The following FSTL4 variants were observed in gnomAD, a reference collection of about 807,000 sequenced individuals.
FSTL4 encodes the protein follistatin like 4.
In FSTL4, 28 loss-of-function variants were observed where a neutral mutation model predicts 78.2. That is an observed-to-expected ratio of 0.36 (90% CI 0.27 to 0.49). The LOEUF (loss-of-function observed/expected upper bound fraction) is 0.49. Ranked by LOEUF, FSTL4 falls within the 20% of genes least tolerant of loss-of-function variation. FSTL4 has a pLI of 0.98. For synonymous variants in FSTL4, 422 were observed against 440.5 expected, an observed-to-expected ratio of 0.96 and a Z score of 0.53; for missense variants, 922 against 1,084.9, an observed-to-expected ratio of 0.85 and a Z score of 2.11.
At chr5:133,435,644 A>G (rs565250933) in intron 3 of FSTL4, among the ~76,000 whole-genome samples, 1 of 152,294 alleles carries the variant, frequency 6.6e-6, no homozygotes, top group South Asian at 2.1e-4. Flanking sequence ...GGTTAGCACT[A>G]TGTTCTAAGG....
chr5:133,491,081 G>A (rs1421141408), intron 3 of FSTL4, among the ~76,000 whole-genome samples: 2 of 151,854 alleles, frequency 1.3e-5, no homozygotes, highest in African/African-American at 4.8e-5. Flanking sequence ...TAACAAACCT[G>A]CACATGTACC....
intron 4 of FSTL4, among the ~76,000 whole-genome samples, chr5:133,343,252 G>T (rs781727432): frequency 6.6e-6 from 1 of 152,224 alleles, no homozygotes. Flanking sequence ...GACAGAGGGA[G>T]GGTTGACGCT....
At chr5:133,239,766 A>C (rs886300726) in intron 7 of FSTL4, among the ~76,000 whole-genome samples, 1 of 152,208 alleles carries the variant, frequency 6.6e-6, no homozygotes, top group Non-Finnish European at 1.5e-5. Flanking sequence ...GGACTTGGAG[A>C]AACTTTGTGT....
Position 133,514,057 on chromosome 5 carries a change from T to A in FSTL4, c.160+53129A>T, listed in dbSNP as rs539930345. ...AGCCAGGCGTAGTGGTGGGCGCCTG[T>A]AGTCCCAGCTACTCGAGAGGCTGAG... On this transcript the variant is annotated intron_variant, in intron 3 of 15. Coordinates refer to ENST00000265342, the MANE Select transcript of FSTL4 (RefSeq NM_015082.2). Among the ~76,000 whole-genome samples, 3 of 151,854 alleles carry A rather than the reference T, an allele frequency of 2.0e-5. No homozygotes were observed. In the East Asian group the frequency reaches 5.8e-4, roughly 29 times the overall value.
intron 14 of FSTL4, 176 bp downstream of exon 14, chr5:133,210,015 A>G (rs1196994499): frequency 1.9e-6 from 1 of 529,544 alleles, no homozygotes; most frequent in Non-Finnish European, 3.4e-6. Flanking sequence ...GCTGTCATCA[A>G]TTGCCTGTGA....
At chr5:133,475,127 G>C (rs568702026) in intron 3 of FSTL4, among the ~76,000 whole-genome samples, 18 of 152,350 alleles carry the variant, frequency 1.2e-4, no homozygotes, top group African/African-American at 3.6e-4. Context: ...AAGCAGGGGA[G>C]CTGGACGTCC....
chr5:133,377,712 GAGAAAGGAAC>G (rs2126949939), intron 4 of FSTL4, among the ~76,000 whole-genome samples: 1 of 151,934 alleles, frequency 6.6e-6, no homozygotes, highest in African/African-American at 2.4e-5. Flanking sequence ...AAAAAGAAAA[GAGAAAGGAAC>G]AGAAAATTAT....
At chr5:133,818,669 C>T in the FSTL4 span, among the ~76,000 whole-genome samples, 11 of 151,870 alleles carry the variant, frequency 7.2e-5, no homozygotes, top group African/African-American at 2.4e-4. Context: ...TCTTCCAAAC[C>T]ACAGAGGGCT....
intron 2 of FSTL4, among the ~76,000 whole-genome samples, chr5:133,579,739 T>C (rs573291843): frequency 6.6e-6 from 1 of 152,372 alleles, no homozygotes; most frequent in East Asian, 1.9e-4. Context: ...TAGAATAACC[T>C]GTGCCTAGAA....
At chr5:133,693,234 TA>T in the FSTL4 span, among the ~76,000 whole-genome samples, 1 of 152,200 alleles carries the variant, frequency 6.6e-6, no homozygotes, top group Non-Finnish European at 1.5e-5. Flanking sequence ...GACTCTCTCA[TA>T]AACATTTAAA....
chr5:133,296,952 G>T (rs1160680082), intron 6 of FSTL4, among the ~76,000 whole-genome samples: 1 of 152,176 alleles, frequency 6.6e-6, no homozygotes, highest in African/African-American at 2.4e-5. Flanking sequence ...GGGCTGGTGG[G>T]CACACTGCAG....
At chr5:133,503,337 A>G (rs1028427902) in intron 3 of FSTL4, among the ~76,000 whole-genome samples, 2 of 152,186 alleles carry the variant, frequency 1.3e-5, no homozygotes, top group South Asian at 4.1e-4. Context: ...GAATTTGACA[A>G]TTTCCATGTG....
intron 6 of FSTL4, among the ~76,000 whole-genome samples, chr5:133,290,158 A>G (rs1753225995): frequency 6.6e-6 from 1 of 152,204 alleles, no homozygotes; most frequent in Non-Finnish European, 1.5e-5. Context: ...CAGCCTGATG[A>G]TTAATTACTG....
chr5:133,654,003 A>G, the FSTL4 span, among the ~76,000 whole-genome samples: 3 of 152,188 alleles, frequency 2.0e-5, no homozygotes, highest in Admixed American at 1.3e-4. Context: ...TGTTCTTGCT[A>G]TGAAGGGCCT....
intron 3 of FSTL4, among the ~76,000 whole-genome samples, chr5:133,467,383 G>A (rs1314436944): frequency 6.6e-6 from 1 of 152,168 alleles, no homozygotes; most frequent in Middle Eastern, 3.4e-3. Flanking sequence ...GGGCCTGCAG[G>A]AGGAGGCTGG....
At chr5:133,666,714 G>C in the FSTL4 span, among the ~76,000 whole-genome samples, 1 of 152,114 alleles carries the variant, frequency 6.6e-6, no homozygotes, top group Admixed American at 6.5e-5. Flanking sequence ...GCAATTCCAT[G>C]TTAACTTCCC....
At chr5:133,818,852 C>T in the FSTL4 span, among the ~76,000 whole-genome samples, 1 of 147,894 alleles carries the variant, frequency 6.8e-6, no homozygotes, top group Admixed American at 6.8e-5. Flanking sequence ...TCACTCATCT[C>T]AGACAAGGAC....
intron 2 of FSTL4, among the ~76,000 whole-genome samples, chr5:133,603,633 C>T (rs1760915255): frequency 6.6e-6 from 1 of 152,218 alleles, no homozygotes; most frequent in Admixed American, 6.5e-5. Flanking sequence ...TCGGAATACA[C>T]TTTCAGCATC....
chr5:133,262,117 C>T (rs574806033), intron 6 of FSTL4, among the ~76,000 whole-genome samples: 1 of 152,170 alleles, frequency 6.6e-6, no homozygotes, highest in Non-Finnish European at 1.5e-5. Context: ...GAATAAACTG[C>T]GCTCTACCTG....
Sources: allele counts gnomAD v4.1 joint callset (sites outside exome capture counted in the v4.1 genomes callset), GRCh38; gene constraint gnomAD v4.1.1; transcripts MANE v1.5; gene names NCBI Gene and HGNC (gene_info 2026-07-23, HGNC 2026-07-21).